The following ZNF577 variants were observed in gnomAD, a reference collection of about 807,000 sequenced individuals.
ZNF577 encodes the protein zinc finger protein 577.
In ZNF577, 14 loss-of-function variants were observed where a neutral mutation model predicts 13.9. The ratio of observed to expected loss-of-function variants is 1.00; its 90% CI spans 0.66 to 1.57. The LOEUF is 1.57. Among genes scored for constraint, ZNF577 ranks in the 40% most tolerant of loss-of-function variants. The pLI is 0.00. For missense variants in ZNF577, 555 were observed against 579.2 expected (o/e 0.96, Z 0.43); for synonymous variants, 203 against 202.9 (o/e 1.00, Z 0.00).
intron 9 of ZNF577, among the ~76,000 whole-genome samples, chr19:51,813,062 T>C (rs1018006954): frequency 1.3e-5 from 2 of 151,084 alleles, no homozygotes; most frequent in African/African-American, 4.9e-5. Context: ...GAGGTTGCAA[T>C]GGGCCGAGAT....
chr19:51,822,818 T>C (rs2084200396), intron 9 of ZNF577, among the ~76,000 whole-genome samples: 1 of 152,162 alleles, frequency 6.6e-6, no homozygotes, highest in Non-Finnish European at 1.5e-5. Flanking sequence ...GCCCTCTTTG[T>C]TGACTTCATC....
At chr19:51,820,052 A>G (rs1394712417) in intron 9 of ZNF577, among the ~76,000 whole-genome samples, 1 of 152,232 alleles carries the variant, frequency 6.6e-6, no homozygotes, top group Non-Finnish European at 1.5e-5. Flanking sequence ...GAAAAGGCTA[A>G]AAAATGCACA....
At chr19:51,813,689 C>T (rs761882545) in intron 9 of ZNF577, among the ~76,000 whole-genome samples, 44 of 152,202 alleles carry the variant, frequency 2.9e-4, no homozygotes, top group Non-Finnish European at 5.3e-4. Flanking sequence ...TGCCACCACG[C>T]CCAGCTAATT....
chr19:51,825,021 C>G (rs1376830362), intron 9 of ZNF577: 2 of 539,772 alleles, frequency 3.7e-6, no homozygotes, highest in African/African-American at 3.8e-5. Flanking sequence ...CACTATCTAC[C>G]TGGAGCTACT....
chr19:51,887,402 G>C lies in ZNF577; in HGVS notation c.-800C>G, dbSNP rs1418992371. On this transcript the variant is annotated 5_prime_UTR_variant, in exon 1 of 6. Coordinates refer to ENST00000638348, the MANE Select transcript of ZNF577 (RefSeq NM_001370449.1). Reference sequence around the variant, plus strand: ...ATTAAACATGAAATACACTAAACCAGAGTTATTTTCTGGAGGAGTATTTAA... The same window carrying C: ...ATTAAACATGAAATACACTAAACCACAGTTATTTTCTGGAGGAGTATTTAA... 6.6e-6 allele frequency: 1 copy of C among 152,142 alleles called. No individual in the cohort carries two copies. The highest frequency in any genetic ancestry group is 2.4e-5 in the African/African-American group (1 of 41,406). 9.4% of individuals were successfully genotyped at this position (152,142 alleles called of 1,614,324 possible).
intron 9 of ZNF577, among the ~76,000 whole-genome samples, chr19:51,819,972 G>C (rs187897820): frequency 6.3e-4 from 96 of 152,330 alleles, no homozygotes; most frequent in Non-Finnish European, 1.8e-4. Context: ...CAAATGTAAA[G>C]AGGGAAGTCA....
At chr19:51,812,246 A>G (rs1376397702) in intron 9 of ZNF577, among the ~76,000 whole-genome samples, 1 of 152,204 alleles carries the variant, frequency 6.6e-6, no homozygotes, top group Non-Finnish European at 1.5e-5. Context: ...CGTAGGGTGA[A>G]ATAATGGCCT....
downstream of ZNF577, chr19:51,804,691 G>A (rs1237139423): frequency 6.6e-6 from 1 of 152,090 alleles, no homozygotes; most frequent in Non-Finnish European, 1.5e-5. Flanking sequence ...TTATATATGA[G>A]GATCTATCGA....
intron 9 of ZNF577, among the ~76,000 whole-genome samples, chr19:51,812,884 T>G (rs1174419647): frequency 6.6e-6 from 1 of 151,912 alleles, no homozygotes; most frequent in Non-Finnish European, 1.5e-5. Flanking sequence ...ATTTTGAGAG[T>G]CTGAGGTGGG....
chr19:51,837,334 G>A (rs916425023), intron 9 of ZNF577, among the ~76,000 whole-genome samples: 16 of 152,278 alleles, frequency 1.1e-4, no homozygotes, highest in East Asian at 9.7e-4. Context: ...ACAGCTGAGC[G>A]CTGATTGGCC....
chr19:51,835,702 T>A (rs1036387425), intron 9 of ZNF577, among the ~76,000 whole-genome samples: 1 of 152,172 alleles, frequency 6.6e-6, no homozygotes, highest in African/African-American at 2.4e-5. Flanking sequence ...GAAATCAGTA[T>A]CTTTTTTTTT....
chr19:51,810,760 C>T (rs4802869), intron 10 of ZNF577, among the ~76,000 whole-genome samples: 40,207 of 152,082 alleles, frequency 0.26, 5,661 homozygotes, highest in East Asian at 0.46. Context: ...CTAAGGTCAA[C>T]CGGCTCTGTA....
chr19:51,846,048 C>G (rs926504879), intron 5 of ZNF577, among the ~76,000 whole-genome samples: 3 of 151,196 alleles, frequency 2.0e-5, no homozygotes, highest in African/African-American at 7.3e-5. Flanking sequence ...GAGTCTTGCT[C>G]TGTTGTCCAG....
At chr19:51,854,856 T>A (rs2084402193) in intron 5 of ZNF577, among the ~76,000 whole-genome samples, 1 of 152,180 alleles carries the variant, frequency 6.6e-6, no homozygotes, top group South Asian at 2.1e-4. Flanking sequence ...CACTTCTTCA[T>A]GTTCCTCAGA....
intron 5 of ZNF577, among the ~76,000 whole-genome samples, chr19:51,848,158 T>G (rs866641971): frequency 1.3e-5 from 2 of 152,226 alleles, no homozygotes; most frequent in South Asian, 4.1e-4. Context: ...TACTTCCACC[T>G]TCTTTCCTGT....
intron 9 of ZNF577, among the ~76,000 whole-genome samples, chr19:51,837,747 A>G: frequency 6.6e-6 from 1 of 152,214 alleles, no homozygotes; most frequent in East Asian, 1.9e-4. Flanking sequence ...GGGCACAAAA[A>G]AACTTTGGAG....
chr19:51,816,038 G>A (rs62108954), intron 9 of ZNF577, among the ~76,000 whole-genome samples: 1 of 149,482 alleles, frequency 6.7e-6, no homozygotes, highest in South Asian at 2.1e-4. Context: ...CTACACCCCA[G>A]ACTGGGGAAG....
intron 9 of ZNF577, among the ~76,000 whole-genome samples, chr19:51,836,814 C>A (rs952356963): frequency 6.6e-6 from 1 of 152,048 alleles, no homozygotes; most frequent in Non-Finnish European, 1.5e-5. Flanking sequence ...GAGGCTGCGG[C>A]GGGTGGATCA....
intron 5 of ZNF577, among the ~76,000 whole-genome samples, chr19:51,859,537 G>A (rs1397545428): frequency 6.6e-6 from 1 of 152,070 alleles, no homozygotes; most frequent in Non-Finnish European, 1.5e-5. Flanking sequence ...TTACTCTAAT[G>A]TGTTGCTGGT....
Sources: gnomAD v4.1 joint callset for allele counts (sites outside exome capture counted in the v4.1 genomes callset) on GRCh38, gnomAD v4.1.1 for gene constraint, MANE v1.5 for transcripts, NCBI Gene and HGNC (gene_info 2026-07-23, HGNC 2026-07-21) for gene names.